HSPG2: variants seen among roughly 807,000 people sequenced by gnomAD.
HSPG2 encodes the protein heparan sulfate proteoglycan 2.
Under a neutral mutation model 526.6 loss-of-function variants are expected in HSPG2, and 278 were observed. That is an observed-to-expected ratio of 0.53 (90% confidence interval 0.48 to 0.58). The LOEUF (loss-of-function observed/expected upper bound fraction) is 0.58. Among genes scored for constraint, HSPG2 ranks in the 20% least tolerant of loss-of-function variants. The pLI, the probability that HSPG2 is intolerant of heterozygous loss-of-function variation, is 0.00. For missense variants in HSPG2, 5,354 were observed against 6,099.5 expected (o/e 0.88, Z 4.07); for synonymous variants, 2,465 against 2,555.4 (o/e 0.96, Z 1.07).
At position 21,848,497 on chromosome 1, in the gene HSPG2, G is replaced by T; in HGVS notation, c.7737+146C>A. On this transcript the variant is annotated intron_variant, in intron 59 of 96. Transcript: ENST00000374695. This position sits in a 1 kb window ranked among gnomAD's most constrained non-coding sequence, Gnocchi z 4.9. ...AGGGAGCCTTATTTCTGTATTCTCA[G>T]CACTGGTCTAGGACCCATCCAGCAA... 2.1e-6 allele frequency: 2 copies of T among 937,524 alleles called. No individual in the cohort carries two copies. The highest frequency in any genetic ancestry group is 3.4e-6 in the Non-Finnish European group (2 of 584,966). 58.1% of individuals were successfully genotyped at this position (937,524 alleles called of 1,614,324 possible).
chr1:21,907,118 T>C (rs974959161), intron 1 of HSPG2, among the ~76,000 whole-genome samples: 1 of 151,878 alleles, frequency 6.6e-6, no homozygotes, highest in African/African-American at 2.4e-5. Context: ...TCTCAGGGGG[T>C]GACTCCTGTC....
intron 33 of HSPG2, among the ~76,000 whole-genome samples, chr1:21,867,146 G>T (rs1640305640): frequency 7.5e-6 from 1 of 133,700 alleles, no homozygotes; most frequent in Non-Finnish European, 1.5e-5. Context: ...AATAGAGATG[G>T]GGTCTCCCTA....
At chr1:21,879,941 C>A (rs771365815) in intron 17 of HSPG2, among the ~76,000 whole-genome samples, 166 bp downstream of exon 17, 28 of 152,248 alleles carry the variant, frequency 1.8e-4, no homozygotes, top group African/African-American at 3.1e-4. Flanking sequence ...GCATGAGCCA[C>A]TGCGCCTGAC....
Position 21,846,089 on chromosome 1 carries a change from C to T in HSPG2, c.8464+19G>A. On this transcript the variant is annotated intron_variant, in intron 64 of 96. Transcript: ENST00000374695. ...TCCTCCCTCCCCCGGCCTTCCCGTC[C>T]CACTGCAGGGACCCTCACCGGGGAC... The T allele has an allele frequency of 6.2e-7, 1 of 1,611,886 alleles. No individual in the cohort carries two copies. The highest frequency in any genetic ancestry group is 1.1e-5 in the South Asian group (1 of 91,030).
intron 74 of HSPG2, 66 bp from the exon 75 acceptor site, chr1:21,837,072 G>A (rs777777541): frequency 1.3e-5 from 18 of 1,427,162 alleles, no homozygotes; most frequent in Non-Finnish European, 1.6e-5. Context: ...CCCCTCCAGG[G>A]ACCCAGGAAA....
intron 1 of HSPG2, among the ~76,000 whole-genome samples, chr1:21,913,052 A>G (rs914087649): frequency 6.6e-6 from 1 of 151,890 alleles, no homozygotes; most frequent in Non-Finnish European, 1.5e-5. Flanking sequence ...GTGAGAAGAG[A>G]GAGGAGCCTC....
At chr1:21,843,530 A>G in intron 65 of HSPG2, 92 bp from the exon 66 acceptor site, 1 of 1,387,176 alleles carries the variant, frequency 7.2e-7, no homozygotes. Flanking sequence ...TGCCATGCAC[A>G]GATATGTAGG....
At chr1:21,921,030 A>G (rs1644024382) in intron 1 of HSPG2, among the ~76,000 whole-genome samples, 1 of 152,200 alleles carries the variant, frequency 6.6e-6, no homozygotes, top group Non-Finnish European at 1.5e-5. Context: ...CCTTTCTCCT[A>G]ATAACAAAAA....
At chr1:21,912,147 T>C (rs542708709) in intron 1 of HSPG2, among the ~76,000 whole-genome samples, 1 of 152,280 alleles carries the variant, frequency 6.6e-6, no homozygotes, top group African/African-American at 2.4e-5. Flanking sequence ...CATACCACTG[T>C]TAACTGTTGA....
chr1:21,865,355 ATGT>A lies in HSPG2; in HGVS notation c.4322_4324del (p.Asn1441del), dbSNP rs1220669809. ...CGCTGGCTGGGAGGCCACTAGCATG[ATGT>A]TGTTGCCCTGGAAAGACACCAGCAG... is the stretch of plus-strand genomic sequence containing the variant. On this transcript the variant is annotated inframe_deletion, in exon 35 of 97. Coordinates refer to ENST00000374695, the MANE Select transcript of HSPG2 (RefSeq NM_005529.7). The surrounding 1 kb of genome is among the most constrained non-coding windows in gnomAD (Gnocchi z 5.4). The A allele has an allele frequency of 6.2e-7, 1 of 1,614,014 alleles. No homozygotes were observed. The highest frequency in any genetic ancestry group is 8.5e-7 in the Non-Finnish European group (1 of 1,179,978).
intron 25 of HSPG2, 57 bp from the exon 26 acceptor site, chr1:21,875,059 T>C (rs1640943603): frequency 4.7e-6 from 6 of 1,286,848 alleles, no homozygotes; most frequent in Non-Finnish European, 6.6e-6. Flanking sequence ...CAGGCACGCC[T>C]GGAGTCCTCC....
At chr1:21,846,850 AT>A (rs1172213979) in intron 62 of HSPG2, among the ~76,000 whole-genome samples, 1 of 151,640 alleles carries the variant, frequency 6.6e-6, no homozygotes, top group African/African-American at 2.4e-5. Context: ...AAATACAAAA[AT>A]TAGCCGGGCA....
At chr1:21,888,566 A>G (rs1282764617) in intron 6 of HSPG2, 12 of 813,218 alleles carry the variant, frequency 1.5e-5, no homozygotes, top group Non-Finnish European at 2.1e-5. Context: ...TTGGCCTCCC[A>G]AAGTGCTGGG....
intron 1 of HSPG2, among the ~76,000 whole-genome samples, chr1:21,918,426 C>T (rs966803048): frequency 4.0e-5 from 6 of 150,342 alleles, no homozygotes; most frequent in Non-Finnish European, 8.8e-5. Flanking sequence ...GATGGCGCCA[C>T]TGCACTCCAG....
In HSPG2 at chr1:21,859,860, G is replaced by A; in HGVS notation, c.5157C>T (p.Pro1719=). ...CTTGATGTCGCTGCTGGGTGCCGCT[G>A]GGCACAGGCCGCCCATCCTCACGGG... ...YWSREDGRPV[P]SGTQQRHQGS... Residue 1719 remains proline (P), a synonymous_variant, in exon 41 of 97, where the codon CCC becomes CCT. Transcript: ENST00000374695. This position sits in a 1 kb window ranked among gnomAD's most constrained non-coding sequence, Gnocchi z 5.3. 6.2e-7 allele frequency: 1 copy of A among 1,611,512 alleles called. No individual in the cohort carries two copies. Among genetic ancestry groups the A allele is most frequent in the Non-Finnish European group, 8.5e-7 (1 of 1,179,682 alleles).
In HSPG2 at chr1:21,827,872, CG is replaced by C. The variant is rs1236588751; in HGVS notation, c.12579del (p.Ser4193ArgfsTer104). ...IAESDWHLEG[S>X]GGNDAPGQYG... ...CATGGCAAGTACTCACCATTGCCCCCGCTGCCTTCAAGATGCCAGTCGGACT... is the reference window on the plus strand; with the variant it reads ...CATGGCAAGTACTCACCATTGCCCCCCTGCCTTCAAGATGCCAGTCGGACT... On this transcript the variant is annotated frameshift_variant, in exon 91 of 97. Coordinates refer to ENST00000374695, the MANE Select transcript of HSPG2 (RefSeq NM_005529.7). LOFTEE classifies it high-confidence loss of function. 1 of 1,585,322 alleles carries C rather than the reference CG, an allele frequency of 6.3e-7. No individual in the cohort carries two copies. The highest frequency in any genetic ancestry group is 1.3e-5 in the African/African-American group (1 of 74,766).
At chr1:21,905,168 CA>C (rs1234019996) in intron 1 of HSPG2, among the ~76,000 whole-genome samples, 7 of 63,138 alleles carry the variant, frequency 1.1e-4, no homozygotes, top group Admixed American at 2.2e-4. Context: ...ACCCACCACC[CA>C]CCCACACACA....
chr1:21,934,064 G>A lies in HSPG2; in HGVS notation c.63+3091C>T, dbSNP rs1257993991. 3.3e-5 allele frequency among the ~76,000 whole-genome samples: 5 copies of A among 152,156 alleles called. No individual in the cohort carries two copies. In the East Asian group the frequency reaches 9.7e-4, roughly 29 times the overall value. On this transcript the variant is annotated intron_variant, in intron 1 of 96. Transcript: ENST00000374695. ...GCCCTAAAGGGGTCAGCAGGCCAAG[G>A]CCTGCCGAGTCACCCAGGCCCAGCC...
In HSPG2 at chr1:21,873,974, G is replaced by T. The variant is rs1309743878; in HGVS notation, c.3694C>A (p.Pro1232Thr). Residue 1232 changes from proline (P) to threonine (T), a missense_variant, in exon 29 of 97, where the codon CCC (proline) becomes ACC (threonine). By Grantham distance (38) the Pro-to-Thr change is conservative (BLOSUM62 -1). Coordinates refer to ENST00000374695, the MANE Select transcript of HSPG2 (RefSeq NM_005529.7). Reference protein sequence around the residue: ...HTCFLDTDGHPTCDACSPGHS... With the variant: ...HTCFLDTDGHTTCDACSPGHS... ...CCTGGGGAGCACGCATCACAGGTGG[G>T]GTGGCCGTCTGTGTCCAGAAAACAA... 1 of 1,607,042 alleles carries T rather than the reference G, an allele frequency of 6.2e-7. No homozygotes were observed. The highest frequency in any genetic ancestry group is 1.1e-5 in the South Asian group (1 of 89,292).
Sources: allele counts gnomAD v4.1 joint callset (sites outside exome capture counted in the v4.1 genomes callset), GRCh38; gene constraint gnomAD v4.1.1; non-coding constraint Gnocchi (gnomAD v3.1); transcripts MANE v1.5; gene names NCBI Gene and HGNC (gene_info 2026-07-23, HGNC 2026-07-21).